The following FSHR variants were observed in gnomAD, a reference collection of about 807,000 sequenced individuals.
FSHR encodes the protein follicle stimulating hormone receptor.
A neutral mutation model predicts 52.1 loss-of-function variants in FSHR; 46 were observed. That is an observed-to-expected ratio of 0.88 (90% CI 0.70 to 1.13). The LOEUF (loss-of-function observed/expected upper bound fraction) is 1.13. FSHR is among the 50% of genes most tolerant of loss of function. FSHR has a pLI of 0.00. For synonymous variants in FSHR, 399 were observed against 309.6 expected (o/e 1.29, Z -3.03); for missense variants, 964 against 834.6 (o/e 1.16, Z -1.91).
intron 2 of FSHR, among the ~76,000 whole-genome samples, chr2:49,065,373 C>T (rs982376649): frequency 6.6e-6 from 1 of 151,934 alleles, no homozygotes; most frequent in Non-Finnish European, 1.5e-5. Flanking sequence ...CTAATAGTAA[C>T]AGGAATGAGA....
At chr2:49,072,238 A>G (rs1669764153) in intron 1 of FSHR, among the ~76,000 whole-genome samples, 1 of 151,310 alleles carries the variant, frequency 6.6e-6, no homozygotes. Flanking sequence ...CAACCAACCA[A>G]CCAAACAAAC....
Position 49,038,464 on chromosome 2 carries a change from A to G in FSHR, c.225-18304T>C, listed in dbSNP as rs554953570. Among the ~76,000 whole-genome samples the G allele has an allele frequency of 2.6e-5, 4 of 151,808 alleles. 1 individual carries two copies. In the South Asian group the frequency reaches 8.3e-4, roughly 32 times the overall value. ...GTGAAACCCCGTCTCTACTAAAAAA[A>G]CAAAAAAATAATTAGCCGGGCGTGG... On this transcript the variant is annotated intron_variant, in intron 2 of 9. Coordinates refer to ENST00000406846, the MANE Select transcript of FSHR (RefSeq NM_000145.4).
At chr2:49,133,759 A>G (rs894859736) in intron 1 of FSHR, among the ~76,000 whole-genome samples, 1 of 152,188 alleles carries the variant, frequency 6.6e-6, no homozygotes, top group Non-Finnish European at 1.5e-5. Flanking sequence ...CTCAGAAATA[A>G]TACCATACAT....
chr2:49,076,818 G>A (rs1032055992), intron 1 of FSHR, among the ~76,000 whole-genome samples: 1 of 152,210 alleles, frequency 6.6e-6, no homozygotes, highest in African/African-American at 2.4e-5. Context: ...TTGGCCAACC[G>A]ATGCAGGGTT....
At chr2:49,014,059 A>G (rs1172561323) in intron 4 of FSHR, among the ~76,000 whole-genome samples, 1 of 152,148 alleles carries the variant, frequency 6.6e-6, no homozygotes, top group Non-Finnish European at 1.5e-5. Flanking sequence ...GCCAGCTGGC[A>G]TCCTGATCTT....
At chr2:49,004,513 G>C (rs2104157857) in intron 4 of FSHR, among the ~76,000 whole-genome samples, 1 of 152,276 alleles carries the variant, frequency 6.6e-6, no homozygotes, top group South Asian at 2.1e-4. Flanking sequence ...GTGACACTGG[G>C]AGCCCCAGAT....
intron 1 of FSHR, among the ~76,000 whole-genome samples, chr2:49,070,244 G>C (rs1669679505): frequency 6.6e-6 from 1 of 152,136 alleles, no homozygotes; most frequent in African/African-American, 2.4e-5. Flanking sequence ...GTCAAGAGTA[G>C]ATGAGTTTTG....
At chr2:49,086,934 C>T (rs1670415355) in intron 1 of FSHR, among the ~76,000 whole-genome samples, 1 of 152,112 alleles carries the variant, frequency 6.6e-6, no homozygotes, top group African/African-American at 2.4e-5. Context: ...GTGCCTGGCC[C>T]AGGCATCCTT....
At chr2:49,139,791 G>C (rs933283280) in intron 1 of FSHR, among the ~76,000 whole-genome samples, 6 of 151,864 alleles carry the variant, frequency 4.0e-5, no homozygotes, top group African/African-American at 1.5e-4. Flanking sequence ...GTAGAGACAG[G>C]TTTCCACCAT....
At chr2:49,107,613 A>G (rs1000705394) in intron 1 of FSHR, among the ~76,000 whole-genome samples, 14 of 152,186 alleles carry the variant, frequency 9.2e-5, no homozygotes, top group African/African-American at 3.1e-4. Context: ...TAATCACAAA[A>G]TTAATATTAA....
intron 2 of FSHR, among the ~76,000 whole-genome samples, chr2:49,022,239 T>A (rs1667751535): frequency 6.6e-6 from 1 of 151,976 alleles, no homozygotes; most frequent in Non-Finnish European, 1.5e-5. Context: ...ATATTGAGAA[T>A]TCCCTTAACT....
At chr2:48,990,518 G>C in intron 5 of FSHR, 48 bp downstream of exon 5, 1 of 1,220,382 alleles carries the variant, frequency 8.2e-7, no homozygotes, top group Non-Finnish European at 1.2e-6. Context: ...CGTTGGGCAA[G>C]ACAGATACTG....
At chr2:49,106,439 G>C (rs890515544) in intron 1 of FSHR, among the ~76,000 whole-genome samples, 3 of 152,138 alleles carry the variant, frequency 2.0e-5, no homozygotes, top group Non-Finnish European at 4.4e-5. Flanking sequence ...ATAGGGAAAA[G>C]CTTAAATTCC....
rs367903310 is a variant in FSHR at position 48,962,508 on chromosome 2, T to C, written c.*225A>G. ...AAATAACATATATAAGGATAAAATA[T>C]GTAATACAGTATTGCATTCTTTAAT... On this transcript the variant is annotated 3_prime_UTR_variant, in exon 10 of 10. Transcript: ENST00000406846. 154 of 554,732 alleles carry C rather than the reference T, an allele frequency of 2.8e-4. No individual in the cohort carries two copies. In the South Asian group the frequency reaches 3.1e-3, roughly 11 times the overall value. 34.4% of individuals were successfully genotyped at this position (554,732 alleles called of 1,614,324 possible). A position where few individuals can be genotyped will look rare whatever the true frequency, so the allele number is the denominator to read the frequency against.
At chr2:49,040,359 CT>C (rs1481535744) in intron 2 of FSHR, among the ~76,000 whole-genome samples, 2 of 152,106 alleles carry the variant, frequency 1.3e-5, no homozygotes, top group African/African-American at 4.8e-5. Context: ...TCTAACCCTG[CT>C]CTAATTTTTC....
intron 1 of FSHR, among the ~76,000 whole-genome samples, chr2:49,105,717 G>T (rs1260867619): frequency 6.6e-6 from 1 of 152,086 alleles, no homozygotes; most frequent in East Asian, 1.9e-4. Flanking sequence ...TGTGAGCCGT[G>T]CTCTACTGCC....
rs771137333 is a variant in FSHR at position 49,017,535 on chromosome 2, A to G, written c.328T>C (p.Tyr110His). Residue 110 changes from tyrosine (Y) to histidine (H), a missense_variant, in exon 4 of 10, where the codon TAC becomes CAC. Physicochemically the swap from Tyr to His is moderately conservative, Grantham distance 83 (BLOSUM62 2). Transcript: ENST00000406846. ...TTCTGGAAGGCCTCAGGGTTGATGT[A>G]GAGCAGGTTGTTGGCCTTTTCAATT... is the stretch of plus-strand genomic sequence containing the variant. ...IRIEKANNLL[Y>H]INPEAFQNLP... 1 of 1,613,608 alleles carries G rather than the reference A, an allele frequency of 6.2e-7. No individual in the cohort carries two copies. The highest frequency in any genetic ancestry group is 1.1e-5 in the South Asian group (1 of 91,080).
intron 9 of FSHR, among the ~76,000 whole-genome samples, 162 bp downstream of exon 9, chr2:48,968,536 C>T (rs899247506): frequency 3.9e-5 from 6 of 152,242 alleles, no homozygotes; most frequent in African/African-American, 1.4e-4. Flanking sequence ...TCAACTATTC[C>T]TCACTCTCCA....
intron 1 of FSHR, among the ~76,000 whole-genome samples, chr2:49,120,410 A>T (rs1438206844): frequency 6.6e-6 from 1 of 152,222 alleles, no homozygotes; most frequent in Admixed American, 6.5e-5. Context: ...CCTGTGGATA[A>T]TACTGATGAA....
Sources: gnomAD v4.1 joint callset for allele counts (sites outside exome capture counted in the v4.1 genomes callset) on GRCh38, gnomAD v4.1.1 for gene constraint, MANE v1.5 for transcripts, NCBI Gene and HGNC (gene_info 2026-07-23, HGNC 2026-07-21) for gene names.